Variants in RBM41 observed in about 807,000 individuals in gnomAD.
RBM41 encodes the protein RNA-binding protein 41.
RBM41 carries 14 observed loss-of-function variants against 30.8 expected under a neutral mutation model. That is an observed-to-expected ratio of 0.45 (90% confidence interval 0.30 to 0.71). The LOEUF (loss-of-function observed/expected upper bound fraction) is 0.71, where lower values mean the gene tolerates loss of function less well. Ranked by LOEUF, RBM41 falls within the 30% of genes least tolerant of loss-of-function variation. The pLI, the probability that RBM41 is intolerant of heterozygous loss-of-function variation, is 0.08. For synonymous variants in RBM41, 120 were observed against 110.1 expected, an observed-to-expected ratio of 1.09 and a Z score of -0.56; for missense variants, 276 against 326.3, an observed-to-expected ratio of 0.85 and a Z score of 1.19.
intron 6 of RBM41, 69 bp downstream of exon 6, chrX:107,088,367 G>A (rs1922222794): frequency 1.0e-6 from 1 of 997,282 alleles, no homozygotes; most frequent in Admixed American, 2.7e-5. Context: ...TAATTTAAAA[G>A]TATTACTTTA....
At chrX:107,086,879 T>G (rs764235922) in intron 6 of RBM41, among the ~76,000 whole-genome samples, 3 of 112,444 alleles carry the variant, frequency 2.7e-5, no homozygotes, top group Non-Finnish European at 3.8e-5. Context: ...TACTATATAG[T>G]TCCTTGTATC....
At chrX:107,074,941 TACC>T (rs1936180570) in intron 6 of RBM41, among the ~76,000 whole-genome samples, 1 of 111,837 alleles carries the variant, frequency 8.9e-6, no homozygotes, top group Non-Finnish European at 1.9e-5. Flanking sequence ...CCACAGATGA[TACC>T]AAGTACCCAC....
chrX:107,068,863 A>G (rs746455779), intron 7 of RBM41, among the ~76,000 whole-genome samples: 1 of 112,557 alleles, frequency 8.9e-6, no homozygotes, highest in Non-Finnish European at 1.9e-5. Flanking sequence ...GTAATAAATT[A>G]GTATATTAGC....
rs1409164122 is a variant in RBM41 at position 107,109,857 on chromosome X, G to C, written c.595+3540C>G. ...CCTTTTGATTTCCTTTTAATTCATT[G>C]ACTGTTTGGTAGAGTGTTAATTTCC... On this transcript the variant is annotated intron_variant, in intron 5 of 7. Transcript: ENST00000685964. 4.5e-5 allele frequency among the ~76,000 whole-genome samples: 5 copies of C among 110,737 alleles called. No individual in the cohort carries two copies. In the Admixed American group the frequency reaches 4.8e-4, roughly 11 times the overall value.
At chrX:107,082,912 A>T (rs2147932448) in intron 6 of RBM41, among the ~76,000 whole-genome samples, 1 of 111,459 alleles carries the variant, frequency 9.0e-6, no homozygotes, top group African/African-American at 3.2e-5. Context: ...CATTCCTATT[A>T]TTAATTTGAA....
At chrX:107,108,014 T>C (rs1194806391) in intron 5 of RBM41, among the ~76,000 whole-genome samples, 2 of 111,463 alleles carry the variant, frequency 1.8e-5, no homozygotes, top group African/African-American at 3.3e-5. Flanking sequence ...CCAGAAAAGT[T>C]TGTCTCGAGA....
Position 107,066,666 on chromosome X carries a change from C to T in RBM41, c.*861G>A, listed in dbSNP as rs148346119. 2,933 of 736,313 alleles carry T rather than the reference C, an allele frequency of 4.0e-3. 75 individuals are homozygous for T. In the African/African-American group the frequency reaches 0.063, roughly 16 times the overall value. 60.7% of individuals were successfully genotyped at this position (736,313 alleles called of 1,213,427 possible). A position where few individuals can be genotyped will look rare whatever the true frequency, so the allele number is the denominator to read the frequency against. On this transcript the variant is annotated 3_prime_UTR_variant, in exon 8 of 8. Coordinates refer to ENST00000685964, the MANE Select transcript of RBM41 (RefSeq NM_001324242.2). ...GGTCTGACTCCAGTTTGTACTACTTCCTCTCTGTATATTGTTTTTTTATTT... is the reference window on the plus strand; with the variant it reads ...GGTCTGACTCCAGTTTGTACTACTTTCTCTCTGTATATTGTTTTTTTATTT...
downstream of RBM41, among the ~76,000 whole-genome samples, chrX:107,058,503 G>A (rs757654439): frequency 9.0e-6 from 1 of 110,550 alleles, no homozygotes; most frequent in Non-Finnish European, 1.9e-5. Flanking sequence ...AACTTACTCA[G>A]GTTCACACAG....
At chrX:107,107,995 T>C (rs948981508) in intron 5 of RBM41, among the ~76,000 whole-genome samples, 8 of 111,519 alleles carry the variant, frequency 7.2e-5, no homozygotes, top group African/African-American at 1.6e-4. Flanking sequence ...AAATGGGATA[T>C]GTATAACTCC....
intron 6 of RBM41, among the ~76,000 whole-genome samples, chrX:107,074,853 A>C (rs751557396): frequency 8.9e-6 from 1 of 112,018 alleles, no homozygotes; most frequent in African/African-American, 3.2e-5. Context: ...CGGTCTACAG[A>C]TTCAATGCAA....
At chrX:107,071,474 T>C (rs1172834462) in intron 6 of RBM41, among the ~76,000 whole-genome samples, 4 of 111,154 alleles carry the variant, frequency 3.6e-5, no homozygotes, top group African/African-American at 1.3e-4. Context: ...TACAGACCAA[T>C]ATCCTTAATA....
chrX:107,067,810 CATTTG>C (rs1483604419), intron 7 of RBM41, 117 bp from the exon 8 acceptor site: 13 of 807,537 alleles, frequency 1.6e-5, no homozygotes, highest in Non-Finnish European at 1.6e-5. Context: ...GCCATATAGT[CATTTG>C]ATTTGATCAT....
rs772000599 is a variant in RBM41 at position 107,106,399 on chromosome X, G to A, written c.595+6998C>T. Among the ~76,000 whole-genome samples the A allele has an allele frequency of 4.8e-3, 537 of 111,362 alleles. 3 individuals are homozygous for A. Among genetic ancestry groups the A allele is most frequent in the Non-Finnish European group, 7.7e-3 (408 of 52,978 alleles). ...TGCTGGAGAGGATGTGGAGAAATAGGAACACTTTTACACTGTTGGTGGGAC... is the reference window on the plus strand; with the variant it reads ...TGCTGGAGAGGATGTGGAGAAATAGAAACACTTTTACACTGTTGGTGGGAC... On this transcript the variant is annotated intron_variant, in intron 5 of 7. Coordinates refer to ENST00000685964, the MANE Select transcript of RBM41 (RefSeq NM_001324242.2).
intron 5 of RBM41, among the ~76,000 whole-genome samples, chrX:107,096,209 A>G (rs749886587): frequency 8.9e-6 from 1 of 112,177 alleles, no homozygotes; most frequent in Non-Finnish European, 1.9e-5. Context: ...TATAGATTCA[A>G]CTCAATCCTT....
chrX:107,114,157 T>C, intron 4 of RBM41: 1 of 111,646 alleles, frequency 9.0e-6, no homozygotes, highest in East Asian at 2.8e-4. Context: ...TCCTTCATTT[T>C]CAGTCAACGA....
chrX:107,061,724 A>G (rs1052316320), downstream of RBM41, among the ~76,000 whole-genome samples: 1 of 110,841 alleles, frequency 9.0e-6, no homozygotes, highest in Non-Finnish European at 1.9e-5. Context: ...GGTTACTCGC[A>G]TGAGCCACCG....
intron 5 of RBM41, among the ~76,000 whole-genome samples, chrX:107,090,542 A>T (rs1040008913): frequency 3.7e-4 from 41 of 111,614 alleles, no homozygotes; most frequent in African/African-American, 1.3e-3. Context: ...CGGCTCCTGT[A>T]TTGCTTCTCG....
At position 107,068,403 on chromosome X, in the gene RBM41, G is replaced by C. The variant is rs762327942; in HGVS notation, c.1148-710C>G. ...TAGTAAAACAGCTACACATTTTAAA[G>C]TACTTGCTTTAAAAAGCCTTTTTAT... On this transcript the variant is annotated intron_variant, in intron 7 of 7. Coordinates refer to ENST00000685964, the MANE Select transcript of RBM41 (RefSeq NM_001324242.2). 1.1e-4 allele frequency among the ~76,000 whole-genome samples: 12 copies of C among 111,640 alleles called. No individual in the cohort carries two copies. The East Asian group carries it at 3.4e-3, about 31-fold the overall frequency.
chrX:107,118,778 C>T lies in RBM41; in HGVS notation c.-5G>A, dbSNP rs368519616. On this transcript the variant is annotated 5_prime_UTR_variant, in exon 1 of 8. Coordinates refer to ENST00000685964, the MANE Select transcript of RBM41 (RefSeq NM_001324242.2). Reference sequence around the variant, plus strand: ...GACAAGTCCTTACCTCTTCATGTTTCCACAGGCCCCTACCTCCAACTTGGG... The same window carrying T: ...GACAAGTCCTTACCTCTTCATGTTTTCACAGGCCCCTACCTCCAACTTGGG... 4.0e-5 allele frequency: 48 copies of T among 1,211,775 alleles called. No individual in the cohort carries two copies. The highest frequency in any genetic ancestry group is 5.2e-5 in the Non-Finnish European group (47 of 895,483).
Sources: allele counts gnomAD v4.1 joint callset (sites outside exome capture counted in the v4.1 genomes callset), GRCh38; gene constraint gnomAD v4.1.1; transcripts MANE v1.5; gene names NCBI Gene and HGNC (gene_info 2026-07-23, HGNC 2026-07-21).